The following ALKAL2 variants were observed in gnomAD, a reference collection of about 807,000 sequenced individuals.
The protein encoded by ALKAL2 is AUG-alpha.
A neutral mutation model predicts 18.5 loss-of-function variants in ALKAL2; 8 were observed. The observed-to-expected ratio is 0.43, with a 90% CI of 0.25 to 0.78. ALKAL2 has a LOEUF of 0.78. ALKAL2 is among the 30% of genes least tolerant of loss of function. The pLI, the probability that ALKAL2 is intolerant of heterozygous loss-of-function variation, is 0.22. For synonymous variants in ALKAL2, 135 were observed against 95.8 expected (o/e 1.41, Z -2.39); for missense variants, 241 against 211.2 (o/e 1.14, Z -0.88).
intron 2 of ALKAL2, chr2:286,606 A>T (rs1670516848): frequency 2.6e-6 from 1 of 392,066 alleles, no homozygotes; most frequent in South Asian, 7.8e-5. Flanking sequence ...ATGCAGACAG[A>T]GACCACGAAG....
chr2:287,857 C>T lies in ALKAL2; in HGVS notation c.-22G>A. ...GCATCGTGCGCTCGGGGCCGCGGGG[C>T]TGGGAGACTCCGACACGCGCCGAGA... On this transcript the variant is annotated 5_prime_UTR_variant, in exon 2 of 6. Transcript: ENST00000403610. 1 of 1,263,254 alleles carries T rather than the reference C, an allele frequency of 7.9e-7. No individual in the cohort carries two copies. The highest frequency in any genetic ancestry group is 3.4e-5 in the East Asian group (1 of 29,584). 78.3% of individuals were successfully genotyped at this position (1,263,254 alleles called of 1,614,324 possible). A position where few individuals can be genotyped will look rare whatever the true frequency, so the allele number is the denominator to read the frequency against.
At chr2:281,247 A>T (rs951096408) in intron 5 of ALKAL2, among the ~76,000 whole-genome samples, 1 of 152,220 alleles carries the variant, frequency 6.6e-6, no homozygotes, top group African/African-American at 2.4e-5. Flanking sequence ...GAGTTATGAA[A>T]TTATAGTTAA....
chr2:287,448 T>TAA (rs67240058), intron 2 of ALKAL2, 135 bp downstream of exon 2: 24 of 441,298 alleles, frequency 5.4e-5, no homozygotes, highest in Middle Eastern at 6.3e-4. Flanking sequence ...TTCTTTTTCT[T>TAA]AAAAAAAAAA....
chr2:280,216 C>T, intron 5 of ALKAL2, 64 bp from the exon 6 acceptor site: 1 of 1,585,032 alleles, frequency 6.3e-7, no homozygotes, highest in East Asian at 2.2e-5. Context: ...TTCCAGAAGA[C>T]CTGTCACTTC....
intron 4 of ALKAL2, among the ~76,000 whole-genome samples, chr2:284,886 A>G (rs1670456312): frequency 1.3e-5 from 2 of 152,234 alleles, no homozygotes; most frequent in Non-Finnish European, 1.5e-5. Flanking sequence ...TCTGGCCCCA[A>G]GAGCCACATT....
intron 4 of ALKAL2, among the ~76,000 whole-genome samples, chr2:283,791 C>G (rs1319856136): frequency 6.6e-6 from 1 of 152,138 alleles, no homozygotes; most frequent in Non-Finnish European, 1.5e-5. Context: ...AAAATATGTC[C>G]TCTGGGTGAA....
At chr2:287,525 C>T (rs1291164789) in intron 2 of ALKAL2, 58 bp downstream of exon 2, 2 of 1,219,016 alleles carry the variant, frequency 1.6e-6, no homozygotes, top group African/African-American at 3.2e-5. Flanking sequence ...ACGTGTTTCT[C>T]AAAGACAATT....
Position 286,220 on chromosome 2 carries a change from G to A in ALKAL2, c.308-17C>T. 1 of 1,613,296 alleles carries A rather than the reference G, an allele frequency of 6.2e-7. No homozygotes were observed. The highest frequency in any genetic ancestry group is 8.5e-7 in the Non-Finnish European group (1 of 1,179,398). ...AAAGAGGGCCTGGAACACGGAAGAA[G>A]AAACAGATCATGAAGACTCACAGGT... On this transcript the variant is annotated splice_polypyrimidine_tract_variant and intron_variant, in intron 3 of 5. Coordinates refer to ENST00000403610, the MANE Select transcript of ALKAL2 (RefSeq NM_001002919.3).
intron 2 of ALKAL2, 43 bp from the exon 3 acceptor site, chr2:286,386 AT>A: frequency 6.8e-7 from 1 of 1,470,750 alleles, no homozygotes; most frequent in Non-Finnish European, 9.4e-7. Flanking sequence ...TGAAGGACGC[AT>A]TTTTTAAAAA....
At position 280,067 on chromosome 2, in the gene ALKAL2, G is replaced by A; in HGVS notation, c.*80C>T. ...AAATCTCTTGTCCATGAGGGGATGTGTATAAAGATAGTTCTGTTTCCCTGT... is the reference window on the plus strand; with the variant it reads ...AAATCTCTTGTCCATGAGGGGATGTATATAAAGATAGTTCTGTTTCCCTGT... On this transcript the variant is annotated 3_prime_UTR_variant, in exon 6 of 6. Coordinates refer to ENST00000403610, the MANE Select transcript of ALKAL2 (RefSeq NM_001002919.3). The A allele has an allele frequency of 4.7e-6, 7 of 1,498,378 alleles. No individual in the cohort carries two copies. The highest frequency in any genetic ancestry group is 1.4e-5 in the African/African-American group (1 of 72,718). 92.8% of individuals were successfully genotyped at this position (1,498,378 alleles called of 1,614,324 possible). A position where few individuals can be genotyped will look rare whatever the true frequency, so the allele number is the denominator to read the frequency against.
chr2:279,970 G>T lies in ALKAL2; in HGVS notation c.*177C>A. Reference sequence around the variant, plus strand: ...ACACTGTCAAGTACACTGATTTATCGAATATATATCTGCAAACTGTCAACA... The same window carrying T: ...ACACTGTCAAGTACACTGATTTATCTAATATATATCTGCAAACTGTCAACA... On this transcript the variant is annotated 3_prime_UTR_variant, in exon 6 of 6. Coordinates refer to ENST00000403610, the MANE Select transcript of ALKAL2 (RefSeq NM_001002919.3). 1 of 660,924 alleles carries T rather than the reference G, an allele frequency of 1.5e-6. No homozygotes were observed. Among genetic ancestry groups the T allele is most frequent in the Non-Finnish European group, 2.7e-6 (1 of 365,680 alleles). 40.9% of individuals were successfully genotyped at this position (660,924 alleles called of 1,614,324 possible).
intron 2 of ALKAL2, chr2:286,846 A>G (rs1443894212): frequency 6.5e-6 from 1 of 152,846 alleles, no homozygotes; most frequent in African/African-American, 2.4e-5. Context: ...AGTGAGGTGT[A>G]AATTAGTGGG....
chr2:287,778 C>T lies in ALKAL2; in HGVS notation c.58G>A (p.Gly20Arg), dbSNP rs2103087132. The T allele has an allele frequency of 2.1e-6, 3 of 1,406,476 alleles. No homozygotes were observed. In the African/African-American group the frequency reaches 4.5e-5, roughly 21 times the overall value. 87.1% of individuals were successfully genotyped at this position (1,406,476 alleles called of 1,614,324 possible). The change falls in exon 2 of 6, where the codon GGG becomes AGG. Residue 20 changes from glycine to arginine, a missense_variant. Coordinates refer to ENST00000403610, the MANE Select transcript of ALKAL2 (RefSeq NM_001002919.3). ...LGLLLVLGAA[G>R]RGRGGAEPRE... The stretch of plus-strand genomic sequence containing the variant: ...GGCTCCGCGCCCCCCCGGCCGCGCC[C>T]CGCCGCCCCCAGCACCAGCAGCAGC...
chr2:286,380 G>A lies in ALKAL2; in HGVS notation c.254-37C>T, dbSNP rs148600885. ...AAAAGAAAGTATTATATTACCTGAA[G>A]GACGCATTTTTTAAAAATGTGATCT... On this transcript the variant is annotated intron_variant, in intron 2 of 5. Transcript: ENST00000403610. 36 of 1,500,044 alleles carry A rather than the reference G, an allele frequency of 2.4e-5. No homozygotes were observed. The East Asian group carries it at 7.2e-4, about 30-fold the overall frequency. The allele number at this position is 1,500,044 out of a possible 1,614,324, so 92.9% of individuals were successfully genotyped here.
chr2:285,651 G>A (rs1670484633), intron 4 of ALKAL2, among the ~76,000 whole-genome samples: 1 of 152,226 alleles, frequency 6.6e-6, no homozygotes, highest in Admixed American at 6.5e-5. Flanking sequence ...TTCTGAAGGA[G>A]TGATGGAGCC....
chr2:286,241 C>G (rs1204836551), intron 3 of ALKAL2, 38 bp from the exon 4 acceptor site: 2 of 1,611,748 alleles, frequency 1.2e-6, no homozygotes, highest in East Asian at 2.2e-5. Flanking sequence ...TGAAGACTCA[C>G]AGGTGAAAAG....
chr2:284,585 T>G (rs1020918942), intron 4 of ALKAL2, among the ~76,000 whole-genome samples: 1 of 152,172 alleles, frequency 6.6e-6, no homozygotes, highest in Non-Finnish European at 1.5e-5. Flanking sequence ...CAGGGTGAGC[T>G]GTGATCAGGA....
intron 5 of ALKAL2, 89 bp from the exon 6 acceptor site, chr2:280,241 A>G: frequency 2.1e-6 from 3 of 1,429,020 alleles, no homozygotes; most frequent in Non-Finnish European, 2.0e-6. Flanking sequence ...AGGGGACACA[A>G]CATGTTTATA....
Position 280,080 on chromosome 2 carries a change from T to A in ALKAL2, c.*67A>T. 2 of 1,587,082 alleles carry A rather than the reference T, an allele frequency of 1.3e-6. No homozygotes were observed. The highest frequency in any genetic ancestry group is 3.3e-5 in the Admixed American group (2 of 60,008). ...ATGAGGGGATGTGTATAAAGATAGT[T>A]CTGTTTCCCTGTTGGTTTCCAAGGC... On this transcript the variant is annotated 3_prime_UTR_variant, in exon 6 of 6. Transcript: ENST00000403610.
Sources: allele counts gnomAD v4.1 joint callset (sites outside exome capture counted in the v4.1 genomes callset), GRCh38; gene constraint gnomAD v4.1.1; transcripts MANE v1.5; gene names NCBI Gene and HGNC (gene_info 2026-07-23, HGNC 2026-07-21).